GRIN2A: variants seen among roughly 807,000 people sequenced by gnomAD.
GRIN2A encodes glutamate ionotropic receptor NMDA type subunit 2A.
In GRIN2A, 22 loss-of-function variants were observed where a neutral mutation model predicts 113.4. The ratio of observed to expected loss-of-function variants is 0.19; its 90% CI spans 0.14 to 0.28. The LOEUF (loss-of-function observed/expected upper bound fraction) is 0.28. GRIN2A is among the 10% of genes least tolerant of loss of function. The pLI is 1.00. For missense variants in GRIN2A, 1,502 were observed against 1,887.0 expected (o/e 0.80, Z 3.78); for synonymous variants, 827 against 738.4 (o/e 1.12, Z -1.94).
intron 5 of GRIN2A, among the ~76,000 whole-genome samples, chr16:9,841,406 G>T (rs1392572649): frequency 6.6e-6 from 1 of 151,490 alleles, no homozygotes; most frequent in African/African-American, 2.4e-5. Context: ...GTTGATATTT[G>T]TACACCCATT....
Position 10,039,421 on chromosome 16 carries a change from T to C in GRIN2A, c.415-100870A>G, listed in dbSNP as rs548456701. On this transcript the variant is annotated intron_variant, in intron 2 of 12. Coordinates refer to ENST00000330684, the MANE Select transcript of GRIN2A (RefSeq NM_001134407.3). ...TGGCTTTGTTTAAAAGCGCATTCTC[T>C]GGATCTTCTGTTTTCATTTTTAAAC... is the stretch of plus-strand genomic sequence containing the variant. 2.6e-5 allele frequency among the ~76,000 whole-genome samples: 4 copies of C among 152,344 alleles called. No homozygotes were observed. In the South Asian group the frequency reaches 8.3e-4, roughly 32 times the overall value.
chr16:10,127,857 T>G (rs2048976431), intron 2 of GRIN2A, among the ~76,000 whole-genome samples: 1 of 152,012 alleles, frequency 6.6e-6, no homozygotes, highest in Admixed American at 6.6e-5. Context: ...ACCCTTGGTG[T>G]CTTACTAAGC....
At chr16:10,036,437 C>CTTTTTTTTTTTTATTT (rs1360199200) in intron 2 of GRIN2A, among the ~76,000 whole-genome samples, 1 of 92,672 alleles carries the variant, frequency 1.1e-5, no homozygotes, top group Non-Finnish European at 2.3e-5. Context: ...TTAGTACTTA[C>CTTTTTTTTTTTTATTT]TTTTTTTTTT....
chr16:9,765,049 T>G (rs929350913), intron 12 of GRIN2A, 101 bp from the exon 13 acceptor site: 1 of 1,490,192 alleles, frequency 6.7e-7, no homozygotes, highest in African/African-American at 1.4e-5. Flanking sequence ...TTGCACTTCT[T>G]GCAGGAGCCC....
intron 2 of GRIN2A, among the ~76,000 whole-genome samples, chr16:10,168,130 T>C (rs1328924054): frequency 1.3e-5 from 2 of 152,240 alleles, no homozygotes; most frequent in Non-Finnish European, 2.9e-5. Flanking sequence ...CATTGTCTTC[T>C]GTAGATGAGC....
intron 2 of GRIN2A, among the ~76,000 whole-genome samples, chr16:10,155,493 C>T (rs2049671079): frequency 6.6e-6 from 1 of 152,186 alleles, no homozygotes. Context: ...TAGTGGACAT[C>T]CCTTCTACAG....
intron 10 of GRIN2A, among the ~76,000 whole-genome samples, chr16:9,821,181 G>A (rs2042278121): frequency 2.0e-5 from 3 of 152,144 alleles, no homozygotes. Flanking sequence ...CTACAGTCAT[G>A]TTTCCATGCA....
At chr16:10,158,561 A>G (rs1390966372) in intron 2 of GRIN2A, among the ~76,000 whole-genome samples, 2 of 152,270 alleles carry the variant, frequency 1.3e-5, no homozygotes, top group African/African-American at 4.8e-5. Context: ...AATATAGTAT[A>G]TCCATACAAT....
rs1900573185 is a variant in GRIN2A at position 9,761,340 on chromosome 16, T to C, written c.*1809A>G. 1 of 229,452 alleles carries C rather than the reference T, an allele frequency of 4.4e-6. No individual in the cohort carries two copies. The highest frequency in any genetic ancestry group is 8.6e-6 in the Non-Finnish European group (1 of 115,690). 14.2% of individuals were successfully genotyped at this position (229,452 alleles called of 1,614,324 possible). ...GGGATAATTTTTCAACCTGCCACTTTATCCCTTTCTTCAAGAATGTAAAGC... is the reference window on the plus strand; with the variant it reads ...GGGATAATTTTTCAACCTGCCACTTCATCCCTTTCTTCAAGAATGTAAAGC... On this transcript the variant is annotated 3_prime_UTR_variant, in exon 13 of 13. Transcript: ENST00000330684.
chr16:10,099,550 G>A (rs2048353963), intron 2 of GRIN2A, among the ~76,000 whole-genome samples: 1 of 152,148 alleles, frequency 6.6e-6, no homozygotes, highest in Admixed American at 6.5e-5. Flanking sequence ...TTTTTCACAA[G>A]GATGATACTA....
At chr16:10,020,746 A>G (rs773814322) in intron 2 of GRIN2A, among the ~76,000 whole-genome samples, 20 of 152,216 alleles carry the variant, frequency 1.3e-4, no homozygotes, top group Non-Finnish European at 2.5e-4. Context: ...CACCAAGCAT[A>G]GTGCTTGGCC....
intron 10 of GRIN2A, among the ~76,000 whole-genome samples, chr16:9,803,633 T>C (rs2041909201): frequency 6.6e-6 from 1 of 152,226 alleles, no homozygotes; most frequent in African/African-American, 2.4e-5. Flanking sequence ...CTGCATACTT[T>C]ATATGCATTA....
At chr16:9,869,891 G>A (rs2043227485) in intron 4 of GRIN2A, among the ~76,000 whole-genome samples, 1 of 152,192 alleles carries the variant, frequency 6.6e-6, no homozygotes, top group South Asian at 2.1e-4. Context: ...CTTCCCACCT[G>A]CAATGTGCAT....
chr16:10,094,883 C>CAAAAAAA (rs58041208), intron 2 of GRIN2A, among the ~76,000 whole-genome samples: 1 of 117,444 alleles, frequency 8.5e-6, no homozygotes, highest in Admixed American at 9.2e-5. Context: ...GAATGTGCAC[C>CAAAAAAA]AAAAAAAAAA....
chr16:9,823,071 TC>T (rs1307596357), intron 9 of GRIN2A, among the ~76,000 whole-genome samples: 1 of 152,144 alleles, frequency 6.6e-6, no homozygotes, highest in East Asian at 1.9e-4. Context: ...TCCCTGTTGA[TC>T]TTTAGCTATC....
At chr16:9,808,838 C>T (rs2042031256) in intron 10 of GRIN2A, among the ~76,000 whole-genome samples, 1 of 152,020 alleles carries the variant, frequency 6.6e-6, no homozygotes, top group Non-Finnish European at 1.5e-5. Context: ...CCTAGAAAAC[C>T]ACTTGTAGAG....
chr16:10,021,309 TG>T (rs1246975000), intron 2 of GRIN2A, among the ~76,000 whole-genome samples: 1 of 152,222 alleles, frequency 6.6e-6, no homozygotes, highest in East Asian at 1.9e-4. Context: ...TCTGCCCTCC[TG>T]GAATCCCTCC....
chr16:9,804,115 G>A (rs1307347440), intron 10 of GRIN2A, among the ~76,000 whole-genome samples: 2 of 152,144 alleles, frequency 1.3e-5, no homozygotes, highest in Non-Finnish European at 2.9e-5. Context: ...GTAGGTATAG[G>A]TGGCCATAGC....
chr16:9,994,371 G>C (rs1292095593), intron 2 of GRIN2A, among the ~76,000 whole-genome samples: 1 of 152,182 alleles, frequency 6.6e-6, no homozygotes, highest in African/African-American at 2.4e-5. Context: ...AAAGTAAACT[G>C]TCATTGTTCC....
Sources: gnomAD v4.1 joint callset for allele counts (sites outside exome capture counted in the v4.1 genomes callset) on GRCh38, gnomAD v4.1.1 for gene constraint, MANE v1.5 for transcripts, NCBI Gene and HGNC (gene_info 2026-07-23, HGNC 2026-07-21) for gene names.